Variants in ANKRD31 observed in about 807,000 individuals in gnomAD.
ANKRD31 encodes ankyrin repeat domain-containing protein 31.
ANKRD31 carries 147 observed loss-of-function variants against 186.0 expected under a neutral mutation model. The observed-to-expected ratio is 0.79, with a 90% CI of 0.69 to 0.91. The LOEUF is 0.91. Among genes scored for constraint, ANKRD31 ranks in the 40% least tolerant of loss-of-function variants. The pLI is 0.00. For synonymous variants in ANKRD31, 673 were observed against 736.4 expected, an observed-to-expected ratio of 0.91 and a Z score of 1.39; for missense variants, 1,986 against 2,148.8, an observed-to-expected ratio of 0.92 and a Z score of 1.50.
Position 75,196,129 on chromosome 5 carries a change from T to C in ANKRD31, c.519A>G (p.Thr173=), listed in dbSNP as rs1423106941. The change falls in exon 7 of 26, where the codon ACA becomes ACG. Residue 173 remains threonine, a synonymous_variant. Coordinates refer to ENST00000506364, the MANE Select transcript of ANKRD31 (RefSeq NM_001372053.1). ...CTAATGATGTCTCCTTTACAGCAAC[T>C]GTATCAGATACTGTAATAGCAGTGC... ...LSGTAITVSD[T]VAVKETSLVE... 2.0e-6 allele frequency: 3 copies of C among 1,532,918 alleles called. No individual in the cohort carries two copies. The highest frequency in any genetic ancestry group is 2.6e-6 in the Non-Finnish European group (3 of 1,145,626). 95.0% of individuals were successfully genotyped at this position (1,532,918 alleles called of 1,614,324 possible). A position where few individuals can be genotyped will look rare whatever the true frequency, so the allele number is the denominator to read the frequency against.
chr5:75,072,027 A>G (rs1464835672), intron 25 of ANKRD31, among the ~76,000 whole-genome samples: 1 of 152,196 alleles, frequency 6.6e-6, no homozygotes, highest in Non-Finnish European at 1.5e-5. Flanking sequence ...TTGTGAATCC[A>G]CTGTGTGAAT....
intron 3 of ANKRD31, among the ~76,000 whole-genome samples, chr5:75,219,656 T>A (rs545163553): frequency 1.3e-5 from 2 of 152,212 alleles, no homozygotes; most frequent in Middle Eastern, 3.4e-3. Flanking sequence ...CTAAAATTCA[T>A]AGGGAACCAG....
intron 10 of ANKRD31, among the ~76,000 whole-genome samples, chr5:75,184,225 T>G (rs1408773951): frequency 3.3e-5 from 5 of 152,098 alleles, no homozygotes; most frequent in Admixed American, 3.3e-4. Context: ...TGGATCCTTA[T>G]TTTCAACACA....
Position 75,224,178 on chromosome 5 carries a change from T to TATATATATATAC in ANKRD31, c.179-1821_179-1820insGTATATATATAT, listed in dbSNP as rs1341100904. 4.3e-4 allele frequency among the ~76,000 whole-genome samples: 54 copies of TATATATATATAC among 124,440 alleles called. 1 individual carries two copies. Among genetic ancestry groups the TATATATATATAC allele is most frequent in the South Asian group, 7.8e-4 (3 of 3,826 alleles). 81.6% of individuals were successfully genotyped at this position (124,440 alleles called of 152,430 possible). A position where few individuals can be genotyped will look rare whatever the true frequency, so the allele number is the denominator to read the frequency against. The stretch of plus-strand genomic sequence containing the variant: ...ATATATATGTATATATATATATATA[T>TATATATATATAC]ACACACATTTCTTCCATTAGAATTC... On this transcript the variant is annotated intron_variant, in intron 2 of 25. Coordinates refer to ENST00000506364, the MANE Select transcript of ANKRD31 (RefSeq NM_001372053.1).
chr5:75,228,304 T>A lies in ANKRD31; in HGVS notation c.178+2258A>T, dbSNP rs145015181. On this transcript the variant is annotated intron_variant, in intron 2 of 25. Coordinates refer to ENST00000506364, the MANE Select transcript of ANKRD31 (RefSeq NM_001372053.1). ...AAATAACAACATAAAAATCCTTGCA[T>A]GCCTTGTTTGACTGGAGAATTTTAA... Among the ~76,000 whole-genome samples, 339 of 152,348 alleles carry A rather than the reference T, an allele frequency of 2.2e-3. 1 individual carries two copies. Among genetic ancestry groups the A allele is most frequent in the African/African-American group, 7.8e-3 (325 of 41,600 alleles).
At chr5:75,231,502 G>A (rs1364529391) in intron 1 of ANKRD31, among the ~76,000 whole-genome samples, 1 of 152,146 alleles carries the variant, frequency 6.6e-6, no homozygotes, top group African/African-American at 2.4e-5. Context: ...ACAGAGCTAT[G>A]AAAATAAGCA....
chr5:75,153,502 G>C (rs1171382432), intron 12 of ANKRD31, among the ~76,000 whole-genome samples: 1 of 152,044 alleles, frequency 6.6e-6, no homozygotes, highest in Non-Finnish European at 1.5e-5. Context: ...AAAGCAAGGA[G>C]GCCAGCATGA....
At chr5:75,135,011 G>A (rs80356194) in intron 17 of ANKRD31, among the ~76,000 whole-genome samples, 383 of 152,206 alleles carry the variant, frequency 2.5e-3, no homozygotes, top group African/African-American at 8.0e-3. Context: ...TTGATGGGAC[G>A]TATCTCAAAA....
intron 21 of ANKRD31, among the ~76,000 whole-genome samples, chr5:75,105,813 G>A (rs1747289607): frequency 2.0e-5 from 3 of 152,048 alleles, no homozygotes; most frequent in Admixed American, 2.0e-4. Flanking sequence ...AAGTCCAGAG[G>A]GACTACCGAG....
intron 22 of ANKRD31, among the ~76,000 whole-genome samples, chr5:75,097,917 C>T (rs981265327): frequency 6.6e-6 from 1 of 152,130 alleles, no homozygotes; most frequent in Non-Finnish European, 1.5e-5. Context: ...AATAGGGAAT[C>T]GTTTCCCCAT....
rs549077231 is a variant in ANKRD31, at chr5:75,080,327, T to C, written c.5647+241A>G. Among the ~76,000 whole-genome samples the C allele has an allele frequency of 2.4e-4, 36 of 152,210 alleles. No individual in the cohort carries two copies. In the South Asian group the frequency reaches 4.1e-3, roughly 18 times the overall value. On this transcript the variant is annotated intron_variant, in intron 25 of 25. Coordinates refer to ENST00000506364, the MANE Select transcript of ANKRD31 (RefSeq NM_001372053.1). ...ATTCATTTATTTATTCAATGAGCAT[T>C]TATTGGAAAGCTATGGTGTGCCAGG...
At chr5:75,070,815 G>A (rs1026722285) in intron 25 of ANKRD31, among the ~76,000 whole-genome samples, 1 of 152,156 alleles carries the variant, frequency 6.6e-6, no homozygotes, top group African/African-American at 2.4e-5. Context: ...GTCTGGGGCT[G>A]GGCATAGTGG....
At chr5:75,150,040 T>A (rs12108795) in intron 12 of ANKRD31, among the ~76,000 whole-genome samples, 12,275 of 151,806 alleles carry the variant, frequency 0.081, 1,261 homozygotes, top group African/African-American at 0.24. Flanking sequence ...TATATTATTT[T>A]CCCTCTGCCA....
chr5:75,203,645 A>G (rs1755956964), intron 5 of ANKRD31, among the ~76,000 whole-genome samples: 1 of 146,432 alleles, frequency 6.8e-6, no homozygotes, highest in South Asian at 2.2e-4. Flanking sequence ...CCTGGGCGAA[A>G]GAGAGAGGAT....
intron 10 of ANKRD31, 127 bp from the exon 11 acceptor site, chr5:75,169,248 A>G: frequency 8.9e-7 from 1 of 1,129,616 alleles, no homozygotes; most frequent in Non-Finnish European, 1.2e-6. Context: ...ATGAGTCAAG[A>G]TAGTATCACC....
At chr5:75,116,263 G>C (rs1265331325) in intron 19 of ANKRD31, among the ~76,000 whole-genome samples, 1 of 108,862 alleles carries the variant, frequency 9.2e-6, no homozygotes, top group East Asian at 3.3e-4. Flanking sequence ...CTGTTGTGGG[G>C]TGGGGGGAGG....
intron 16 of ANKRD31, among the ~76,000 whole-genome samples, chr5:75,138,429 A>G (rs1049534625): frequency 2.0e-5 from 3 of 152,182 alleles, no homozygotes; most frequent in Non-Finnish European, 4.4e-5. Flanking sequence ...TGCTTAAGCA[A>G]AATGTTAGGT....
At position 75,146,141 on chromosome 5, in the gene ANKRD31, T is replaced by A; in HGVS notation, c.3270A>T (p.Ile1090=). ...TCCTTTTTTCAACTTTAGTTGTTTC[T>A]ATTACTTGAGAATGAGCAACTATGG... The part of the protein sequence containing the change: ...PLSIVAHSQV[I]ETTKVEKRRQ... Residue 1090 remains isoleucine (I), a synonymous_variant, in exon 14 of 26, where the codon ATA becomes ATT. Coordinates refer to ENST00000506364, the MANE Select transcript of ANKRD31 (RefSeq NM_001372053.1). 1 of 1,536,206 alleles carries A rather than the reference T, an allele frequency of 6.5e-7. No individual in the cohort carries two copies. The highest frequency in any genetic ancestry group is 8.7e-7 in the Non-Finnish European group (1 of 1,146,326).
intron 17 of ANKRD31, among the ~76,000 whole-genome samples, chr5:75,121,084 G>A (rs1748734661): frequency 6.6e-6 from 1 of 151,926 alleles, no homozygotes; most frequent in African/African-American, 2.4e-5. Context: ...TTAGGAGGCT[G>A]AGGCAGGAGA....
Sources: gnomAD v4.1 joint callset for allele counts (sites outside exome capture counted in the v4.1 genomes callset) on GRCh38, gnomAD v4.1.1 for gene constraint, MANE v1.5 for transcripts, NCBI Gene and HGNC (gene_info 2026-07-23, HGNC 2026-07-21) for gene names.